VIRMA: variants seen among roughly 807,000 people sequenced by gnomAD.
The protein encoded by VIRMA is protein virilizer homolog.
VIRMA carries 65 observed loss-of-function variants against 182.4 expected under a neutral mutation model. The observed-to-expected ratio is 0.36, with a 90% CI of 0.29 to 0.44. The LOEUF (loss-of-function observed/expected upper bound fraction) is 0.44, where lower values mean the gene tolerates loss of function less well. VIRMA is among the 20% of genes least tolerant of loss of function. The probability of loss-of-function intolerance (pLI) is 1.00; values close to 1 mark genes in which losing one functional copy is unlikely to be tolerated. For synonymous variants in VIRMA, 709 were observed against 743.1 expected (o/e 0.95, Z 0.75); for missense variants, 1,752 against 2,158.1 (o/e 0.81, Z 3.73).
At chr8:94,515,051 G>T in intron 10 of VIRMA, 100 bp from the exon 11 acceptor site, 2 of 559,692 alleles carry the variant, frequency 3.6e-6, no homozygotes. Flanking sequence ...GGTCCATGTT[G>T]ATTTCAATCA....
At chr8:94,539,804 C>T (rs1411294245) in intron 2 of VIRMA, among the ~76,000 whole-genome samples, 1 of 152,120 alleles carries the variant, frequency 6.6e-6, no homozygotes, top group East Asian at 1.9e-4. Flanking sequence ...GAGGACTCTG[C>T]CCTCATGAAT....
rs753896421 is a variant in VIRMA at position 94,492,786 on chromosome 8, T to C, written c.4674A>G (p.Lys1558=). 5.6e-6 allele frequency: 9 copies of C among 1,613,550 alleles called. No individual in the cohort carries two copies. Among genetic ancestry groups the C allele is most frequent in the Non-Finnish European group, 7.6e-6 (9 of 1,179,642 alleles). The change falls in exon 21 of 24, where the codon AAA becomes AAG. Residue 1558 remains lysine, a synonymous_variant. Coordinates refer to ENST00000297591, the MANE Select transcript of VIRMA (RefSeq NM_015496.5). ...AGTGCAAATCAAAGTCACTACAGCA[T>C]TTTTCAGAGAGTTCAATTAAGTCAA... is the stretch of plus-strand genomic sequence containing the variant. ...VKVDLIELSE[K]CCSDFDLHSE...
chr8:94,519,260 A>G lies in VIRMA; in HGVS notation c.2238T>C (p.Gly746=). ...CHFYDQDEEE[G]LQSDGVIDDA... is the part of the protein sequence containing the mutation. ...CATCAATAACACCATCAGATTGGAG[A>G]CCTTCCTCCTCATCTTGATCATAAA... The change falls in exon 9 of 24, where the codon GGT becomes GGC. Residue 746 remains glycine (G), a synonymous_variant. Coordinates refer to ENST00000297591, the MANE Select transcript of VIRMA (RefSeq NM_015496.5). 1 of 1,614,142 alleles carries G rather than the reference A, an allele frequency of 6.2e-7. No homozygotes were observed. Among genetic ancestry groups the G allele is most frequent in the Non-Finnish European group, 8.5e-7 (1 of 1,180,024 alleles).
chr8:94,500,460 C>G (rs1201455269), intron 16 of VIRMA, among the ~76,000 whole-genome samples: 1 of 152,124 alleles, frequency 6.6e-6, no homozygotes, highest in Non-Finnish European at 1.5e-5. Context: ...ACACCCATTA[C>G]TAACCACTAC....
intron 3 of VIRMA, among the ~76,000 whole-genome samples, chr8:94,537,519 C>A (rs1337430462): frequency 6.6e-6 from 1 of 151,926 alleles, no homozygotes; most frequent in Non-Finnish European, 1.5e-5. Context: ...CATAAAAACA[C>A]CCCCAAATAC....
At chr8:94,515,023 CA>C in intron 10 of VIRMA, 72 bp from the exon 11 acceptor site, 2 of 753,124 alleles carry the variant, frequency 2.7e-6, no homozygotes, top group Non-Finnish European at 4.1e-6. Flanking sequence ...ATATTTTTTC[CA>C]AAGAAAATCA....
intron 17 of VIRMA, chr8:94,497,051 T>C (rs1429686656): frequency 1.3e-5 from 2 of 152,284 alleles, no homozygotes; most frequent in African/African-American, 4.8e-5. Context: ...CATACACTTA[T>C]GGTAGAGGGC....
rs116829000 is a variant in VIRMA at position 94,492,915 on chromosome 8, C to T, written c.4642-97G>A. On this transcript the variant is annotated intron_variant, in intron 20 of 23. Coordinates refer to ENST00000297591, the MANE Select transcript of VIRMA (RefSeq NM_015496.5). ...CTTATTACCTATAAATTATATTTGC[C>T]TCTCATAAGAAATAAATTATAGATC... 1,334 of 998,754 alleles carry T rather than the reference C, an allele frequency of 1.3e-3. 9 individuals carry two copies. The African/African-American group carries it at 0.02, about 15-fold the overall frequency. 61.9% of individuals were successfully genotyped at this position (998,754 alleles called of 1,614,324 possible).
At chr8:94,511,771 T>C (rs772424343) in intron 12 of VIRMA, 42 bp from the exon 13 acceptor site, 5 of 1,349,560 alleles carry the variant, frequency 3.7e-6, no homozygotes, top group Admixed American at 2.1e-5. Context: ...TAATTACTTA[T>C]ATGTTAATAA....
intron 2 of VIRMA, 143 bp downstream of exon 2, chr8:94,543,684 C>T: frequency 1.8e-6 from 1 of 542,756 alleles, no homozygotes; most frequent in Non-Finnish European, 3.3e-6. Flanking sequence ...AATATAGAGC[C>T]AATTACAATG....
At chr8:94,552,694 C>T (rs1816038338) in intron 1 of VIRMA, among the ~76,000 whole-genome samples, 1 of 152,078 alleles carries the variant, frequency 6.6e-6, no homozygotes, top group Non-Finnish European at 1.5e-5. Flanking sequence ...TTAAGGGGCG[C>T]TCAAGTAGTT....
rs1813527669 is a variant in VIRMA at position 94,488,795 on chromosome 8, T to C, written c.5350A>G (p.Ser1784Gly). 1.2e-6 allele frequency: 2 copies of C among 1,614,242 alleles called. No individual in the cohort carries two copies. Among genetic ancestry groups the C allele is most frequent in the Middle Eastern group, 1.6e-4 (1 of 6,062 alleles). ...GAGCCTCCACTGCCGCTATTTGCAC[T>C]AGCCCAGGAAGGTCCAAGTCCCCCA... Reference protein sequence around the residue: ...GRGGLGPSWASANSGSGGSRG... With the variant: ...GRGGLGPSWAGANSGSGGSRG... The change falls in exon 24 of 24, where the codon AGT becomes GGT. Residue 1784 changes from serine to glycine, a missense_variant. Physicochemically the swap from Ser to Gly is moderately conservative, Grantham distance 56. Coordinates refer to ENST00000297591, the MANE Select transcript of VIRMA (RefSeq NM_015496.5).
At chr8:94,511,140 GT>G (rs1563463849) in intron 13 of VIRMA, 44 bp downstream of exon 13, 3 of 1,585,052 alleles carry the variant, frequency 1.9e-6, no homozygotes, top group East Asian at 2.2e-5. Context: ...TTTAAAAAGT[GT>G]TACTGCAGTC....
intron 18 of VIRMA, 21 bp from the exon 19 acceptor site, chr8:94,495,912 A>C: frequency 6.2e-7 from 1 of 1,605,660 alleles, no homozygotes; most frequent in Non-Finnish European, 8.5e-7. Context: ...ATAAAGGCAG[A>C]ATAAGAAGGT....
At chr8:94,531,198 A>T (rs1815161774) in intron 5 of VIRMA, 113 bp from the exon 6 acceptor site, 1 of 1,176,280 alleles carries the variant, frequency 8.5e-7, no homozygotes. Flanking sequence ...AAGCAAAGAG[A>T]GATCTAAAAT....
Position 94,527,019 on chromosome 8 carries a change from T to G in VIRMA, c.1225A>C (p.Ser409Arg). The G allele has an allele frequency of 1.2e-6, 2 of 1,614,148 alleles. No homozygotes were observed. The highest frequency in any genetic ancestry group is 1.7e-6 in the Non-Finnish European group (2 of 1,179,984). ...KWVTALEEIP[S>R]LIIKGLSYLQ... is the part of the protein sequence containing the mutation. ...TAGCTTAACCCTTTTATTATTAAAC[T>G]TGGAATTTCTTCTAAAGCTGTTACC... Residue 409 changes from serine to arginine, a missense_variant, in exon 8 of 24, where the codon AGT becomes CGT. Ser to Arg is a moderately radical substitution (Grantham distance 110). Transcript: ENST00000297591.
chr8:94,491,252 T>C (rs372961385), intron 22 of VIRMA, among the ~76,000 whole-genome samples: 6 of 151,718 alleles, frequency 4.0e-5, no homozygotes, highest in African/African-American at 1.5e-4. Context: ...AGGCAGAGTT[T>C]GTAGTGAGCT....
chr8:94,532,652 A>C (rs1815209313), intron 5 of VIRMA, among the ~76,000 whole-genome samples: 1 of 152,174 alleles, frequency 6.6e-6, no homozygotes, highest in African/African-American at 2.4e-5. Context: ...CCTCCTGTCA[A>C]TCTATAATTA....
chr8:94,489,891 G>A, intron 23 of VIRMA, 48 bp downstream of exon 23: 2 of 1,588,586 alleles, frequency 1.3e-6, no homozygotes, highest in Non-Finnish European at 1.7e-6. Context: ...TTTAAAGGAG[G>A]AATTTACTTC....
Sources: allele counts gnomAD v4.1 joint callset (sites outside exome capture counted in the v4.1 genomes callset), GRCh38; gene constraint gnomAD v4.1.1; transcripts MANE v1.5; gene names NCBI Gene and HGNC (gene_info 2026-07-23, HGNC 2026-07-21).